Variants in STRIP2 observed in about 807,000 individuals in gnomAD.
The protein encoded by STRIP2 is striatin interacting protein 2.
STRIP2 carries 84 observed loss-of-function variants against 107.1 expected under a neutral mutation model. That is an observed-to-expected ratio of 0.78 (90% CI 0.66 to 0.94). The LOEUF is 0.94. STRIP2 is among the 40% of genes least tolerant of loss of function. The pLI is 0.00. For synonymous variants in STRIP2, 394 were observed against 400.4 expected, an observed-to-expected ratio of 0.98 and a Z score of 0.19; for missense variants, 888 against 1,034.2, an observed-to-expected ratio of 0.86 and a Z score of 1.94.
At chr7:129,455,019 G>A (rs570597582) in intron 7 of STRIP2, among the ~76,000 whole-genome samples, 6 of 152,246 alleles carry the variant, frequency 3.9e-5, no homozygotes, top group African/African-American at 9.6e-5. Context: ...ACCCCAAAGC[G>A]TCACCCTAAG....
At chr7:129,453,178 T>C in intron 4 of STRIP2, 49 bp from the exon 5 acceptor site, 1 of 1,610,602 alleles carries the variant, frequency 6.2e-7, no homozygotes, top group Non-Finnish European at 8.5e-7. Context: ...TGGAAAGAAC[T>C]GGGATACTGC....
chr7:129,476,860 G>A (rs1206634432), intron 18 of STRIP2, among the ~76,000 whole-genome samples: 10 of 151,856 alleles, frequency 6.6e-5, no homozygotes, highest in Admixed American at 5.2e-4. Context: ...CCGAGATCAC[G>A]CCACTGCACT....
chr7:129,469,336 C>T (rs186124923), intron 17 of STRIP2, among the ~76,000 whole-genome samples: 1 of 152,330 alleles, frequency 6.6e-6, no homozygotes, highest in Admixed American at 6.5e-5. Flanking sequence ...CTCATTATTG[C>T]AGAATTTTCT....
At chr7:129,468,237 A>C (rs1798716002) in intron 17 of STRIP2, among the ~76,000 whole-genome samples, 1 of 152,224 alleles carries the variant, frequency 6.6e-6, no homozygotes, top group South Asian at 2.1e-4. Context: ...TAGAAGTAAG[A>C]GGGCTAATCT....
At chr7:129,451,138 G>A (rs542578932) in intron 3 of STRIP2, among the ~76,000 whole-genome samples, 3 of 151,640 alleles carry the variant, frequency 2.0e-5, no homozygotes, top group Non-Finnish European at 2.9e-5. Context: ...GGGTTTCACC[G>A]TTTTTTTAGC....
At chr7:129,457,753 A>G (rs921805749) in intron 9 of STRIP2, among the ~76,000 whole-genome samples, 3 of 152,208 alleles carry the variant, frequency 2.0e-5, no homozygotes, top group Non-Finnish European at 2.9e-5. Context: ...TTTTTGGCCT[A>G]TTTCTGTCCA....
chr7:129,465,731 G>A (rs997352293), intron 16 of STRIP2, among the ~76,000 whole-genome samples: 2 of 152,186 alleles, frequency 1.3e-5, no homozygotes, highest in African/African-American at 4.8e-5. Context: ...GTTTGGACTT[G>A]GTTTCATGGG....
Position 129,477,717 on chromosome 7 carries a change from G to A in STRIP2, c.1945-3068G>A, listed in dbSNP as rs75629083. On this transcript the variant is annotated intron_variant, in intron 18 of 20. Coordinates refer to ENST00000249344, the MANE Select transcript of STRIP2 (RefSeq NM_020704.3). ...TATGATAAGAGAATTATTCTATAAT[G>A]GTGTTGGTAAAGAAAATCTAAAATA... Among the ~76,000 whole-genome samples, 1,022 of 152,288 alleles carry A rather than the reference G, an allele frequency of 6.7e-3. 12 individuals carry two copies. The highest frequency in any genetic ancestry group is 0.023 in the African/African-American group (968 of 41,548).
chr7:129,475,354 T>C (rs551816680), intron 18 of STRIP2, among the ~76,000 whole-genome samples: 3 of 151,370 alleles, frequency 2.0e-5, no homozygotes, highest in East Asian at 3.9e-4. Flanking sequence ...TTTTTATTTA[T>C]TTTTTTTATT....
At chr7:129,459,920 G>A (rs1328174012) in intron 12 of STRIP2, among the ~76,000 whole-genome samples, 2 of 152,020 alleles carry the variant, frequency 1.3e-5, no homozygotes, top group Admixed American at 1.3e-4. Context: ...GTAGGAGCCT[G>A]CTCTATATCC....
chr7:129,478,825 CA>C (rs940723840), intron 18 of STRIP2, among the ~76,000 whole-genome samples: 2 of 152,148 alleles, frequency 1.3e-5, no homozygotes. Context: ...GCTGCTTCTA[CA>C]AGGGGATGCC....
At chr7:129,466,694 G>C (rs1798678188) in intron 16 of STRIP2, among the ~76,000 whole-genome samples, 1 of 152,128 alleles carries the variant, frequency 6.6e-6, no homozygotes, top group African/African-American at 2.4e-5. Context: ...CCACATTCTG[G>C]TATTAAGCCT....
chr7:129,451,193 C>T (rs1422670685), intron 3 of STRIP2, among the ~76,000 whole-genome samples: 3 of 152,052 alleles, frequency 2.0e-5, no homozygotes, highest in African/African-American at 4.8e-5. Flanking sequence ...CCCGCCTCGG[C>T]CTCCCAAAGT....
At chr7:129,481,729 T>G (rs1003012220) in intron 19 of STRIP2, among the ~76,000 whole-genome samples, 1 of 151,644 alleles carries the variant, frequency 6.6e-6, no homozygotes, top group African/African-American at 2.4e-5. Flanking sequence ...CTGGGCAACA[T>G]GATAAGACCC....
intron 12 of STRIP2, 25 bp from the exon 13 acceptor site, chr7:129,460,276 G>T: frequency 6.2e-7 from 1 of 1,608,562 alleles, no homozygotes; most frequent in Non-Finnish European, 8.5e-7. Flanking sequence ...CTCAGCCCTT[G>T]TTGATGTCTT....
chr7:129,437,526 T>TTTTG (rs1554372254), intron 1 of STRIP2, among the ~76,000 whole-genome samples: 4 of 151,164 alleles, frequency 2.6e-5, no homozygotes, highest in African/African-American at 7.3e-5. Context: ...TTGTTCCAGT[T>TTTTG]TGTGTGTGTG....
intron 17 of STRIP2, 60 bp downstream of exon 17, chr7:129,467,510 A>G: frequency 8.2e-7 from 1 of 1,224,314 alleles, no homozygotes; most frequent in Non-Finnish European, 1.2e-6. Flanking sequence ...AGAAAATTAC[A>G]TCATCTCGGA....
intron 3 of STRIP2, among the ~76,000 whole-genome samples, chr7:129,447,685 G>A (rs982426855): frequency 3.9e-5 from 6 of 152,222 alleles, no homozygotes; most frequent in African/African-American, 7.2e-5. Context: ...TGCTTCTGGC[G>A]GGCCTTATGG....
chr7:129,468,027 T>C (rs1025990148), intron 17 of STRIP2, among the ~76,000 whole-genome samples: 1 of 152,204 alleles, frequency 6.6e-6, no homozygotes, highest in Non-Finnish European at 1.5e-5. Context: ...AAAATTAACA[T>C]GCTGGTGAGA....
Sources: gnomAD v4.1 joint callset for allele counts (sites outside exome capture counted in the v4.1 genomes callset) on GRCh38, gnomAD v4.1.1 for gene constraint, MANE v1.5 for transcripts, NCBI Gene and HGNC (gene_info 2026-07-23, HGNC 2026-07-21) for gene names.